SHISA9: variants seen among roughly 807,000 people sequenced by gnomAD.
The protein encoded by SHISA9 is protein shisa-9.
In SHISA9, 13 loss-of-function variants were observed where a neutral mutation model predicts 38.0. The observed-to-expected ratio is 0.34, with a 90% CI of 0.22 to 0.54. SHISA9 has a LOEUF of 0.54. Ranked by LOEUF, SHISA9 falls within the 20% of genes least tolerant of loss-of-function variation. The probability of loss-of-function intolerance (pLI) is 0.91; values close to 1 mark genes in which losing one functional copy is unlikely to be tolerated. For missense variants in SHISA9, 538 were observed against 575.8 expected, an observed-to-expected ratio of 0.93 and a Z score of 0.67; for synonymous variants, 275 against 242.0, an observed-to-expected ratio of 1.14 and a Z score of -1.27.
the SHISA9 span, among the ~76,000 whole-genome samples, chr16:13,518,899 GAT>G: frequency 6.6e-6 from 1 of 152,106 alleles, no homozygotes. Flanking sequence ...GGTAAGAGAG[GAT>G]AAGAGAGAGG....
intron 2 of SHISA9, among the ~76,000 whole-genome samples, chr16:13,168,537 C>G (rs1051593482): frequency 3.9e-5 from 6 of 152,182 alleles, no homozygotes; most frequent in Admixed American, 3.9e-4. Context: ...GGTGCCCCAG[C>G]TGTAGCAAAC....
At chr16:13,263,200 G>C in the SHISA9 span, among the ~76,000 whole-genome samples, 4 of 152,156 alleles carry the variant, frequency 2.6e-5, no homozygotes, top group African/African-American at 9.7e-5. Flanking sequence ...AATTCGGCAA[G>C]GACTTTTAAC....
chr16:13,333,324 G>A, the SHISA9 span, among the ~76,000 whole-genome samples: 6 of 152,322 alleles, frequency 3.9e-5, no homozygotes, highest in African/African-American at 9.6e-5. Flanking sequence ...CTGGAGCAGA[G>A]GAGGCTGGTT....
intron 2 of SHISA9, among the ~76,000 whole-genome samples, chr16:12,960,806 CCT>C (rs1437946865): frequency 2.3e-4 from 35 of 152,276 alleles, no homozygotes; most frequent in African/African-American, 6.7e-4. Context: ...CCTCTCTCTC[CCT>C]CTCATCCTTC....
intron 2 of SHISA9, among the ~76,000 whole-genome samples, chr16:13,113,986 G>C (rs752061263): frequency 6.6e-6 from 1 of 152,070 alleles, no homozygotes; most frequent in Non-Finnish European, 1.5e-5. Context: ...TGTAAACCTG[G>C]AATTGTGCCT....
intron 2 of SHISA9, among the ~76,000 whole-genome samples, chr16:13,111,382 C>T (rs1353330089): frequency 6.6e-6 from 1 of 151,492 alleles, no homozygotes; most frequent in Admixed American, 6.6e-5. Context: ...AAAACAGCTT[C>T]CCTTATTTCT....
the SHISA9 span, among the ~76,000 whole-genome samples, chr16:13,298,138 A>G: frequency 5.3e-5 from 8 of 152,254 alleles, no homozygotes; most frequent in South Asian, 1.0e-3. Context: ...AATTCAATCC[A>G]TGGACACCGG....
the SHISA9 span, among the ~76,000 whole-genome samples, chr16:13,337,341 C>G: frequency 2.0e-5 from 3 of 152,130 alleles, no homozygotes; most frequent in Non-Finnish European, 4.4e-5. Flanking sequence ...AAGGGAAACC[C>G]CTTTCCCTTG....
the SHISA9 span, among the ~76,000 whole-genome samples, chr16:13,436,767 G>A: frequency 1.4e-5 from 2 of 145,058 alleles, no homozygotes; most frequent in African/African-American, 2.6e-5. Flanking sequence ...AGTCAGAGAT[G>A]TTATCCCCCC....
the SHISA9 span, among the ~76,000 whole-genome samples, chr16:13,318,498 G>A: frequency 6.6e-6 from 1 of 152,040 alleles, no homozygotes; most frequent in Non-Finnish European, 1.5e-5. Flanking sequence ...ATCTAATTTT[G>A]TGGTTTTAGT....
At chr16:13,476,994 C>T in the SHISA9 span, among the ~76,000 whole-genome samples, 111,674 of 151,634 alleles carry the variant, frequency 0.74, 41,355 homozygotes, top group East Asian at 0.94. Flanking sequence ...TATCTGCCCG[C>T]CTCGGCCTCC....
At chr16:12,959,901 C>A (rs935602300) in intron 2 of SHISA9, among the ~76,000 whole-genome samples, 10 of 152,166 alleles carry the variant, frequency 6.6e-5, no homozygotes, top group African/African-American at 2.4e-4. Context: ...AATTGAAATG[C>A]TTTTTAAAAA....
At chr16:13,310,682 T>C in the SHISA9 span, among the ~76,000 whole-genome samples, 3 of 148,006 alleles carry the variant, frequency 2.0e-5, no homozygotes, top group Non-Finnish European at 4.5e-5. Context: ...TTGATTTTTA[T>C]GCTTTTTTTT....
At chr16:13,013,486 C>G (rs138909430) in intron 2 of SHISA9, among the ~76,000 whole-genome samples, 1 of 152,294 alleles carries the variant, frequency 6.6e-6, no homozygotes, top group Non-Finnish European at 1.5e-5. Context: ...ACACTTGACT[C>G]TAAGTTCCGC....
rs2051404444 is a variant in SHISA9, at chr16:13,238,284, T to A, written c.*2875T>A. Reference sequence around the variant, plus strand: ...AATCATTTCCTATGCAAGTCAGTGTTGAACAATGCTGTAGCTATGTACTGC... The same window carrying A: ...AATCATTTCCTATGCAAGTCAGTGTAGAACAATGCTGTAGCTATGTACTGC... On this transcript the variant is annotated 3_prime_UTR_variant, in exon 5 of 5. Coordinates refer to ENST00000558583, the MANE Select transcript of SHISA9 (RefSeq NM_001145204.3). 6.6e-6 allele frequency: 1 copy of A among 152,240 alleles called. No homozygotes were observed. Among genetic ancestry groups the A allele is most frequent in the African/African-American group, 2.4e-5 (1 of 41,458 alleles). 9.4% of individuals were successfully genotyped at this position (152,240 alleles called of 1,614,324 possible).
chr16:13,476,108 C>T, the SHISA9 span, among the ~76,000 whole-genome samples: 1 of 152,082 alleles, frequency 6.6e-6, no homozygotes, highest in African/African-American at 2.4e-5. Flanking sequence ...GTTTTTTTTC[C>T]TCCCAGTAAA....
intron 2 of SHISA9, among the ~76,000 whole-genome samples, chr16:13,086,353 C>CAA (rs767516512): frequency 0.026 from 1,325 of 50,130 alleles, 68 homozygotes; most frequent in African/African-American, 0.084. Flanking sequence ...GATTCCATCT[C>CAA]AAAAAAAAAA....
intron 4 of SHISA9, among the ~76,000 whole-genome samples, chr16:13,225,090 C>G (rs1173392701): frequency 6.6e-6 from 1 of 152,098 alleles, no homozygotes; most frequent in Non-Finnish European, 1.5e-5. Flanking sequence ...AATTTGGACA[C>G]ATAAACACAC....
chr16:13,269,805 G>T, the SHISA9 span, among the ~76,000 whole-genome samples: 2 of 152,152 alleles, frequency 1.3e-5, no homozygotes, highest in Non-Finnish European at 2.9e-5. Flanking sequence ...CCTCAGAGAG[G>T]TGATATAACT....
Sources: gnomAD v4.1 joint callset for allele counts (sites outside exome capture counted in the v4.1 genomes callset) on GRCh38, gnomAD v4.1.1 for gene constraint, MANE v1.5 for transcripts, NCBI Gene and HGNC (gene_info 2026-07-23, HGNC 2026-07-21) for gene names.